The following CHD1L variants were observed in gnomAD, a reference collection of about 807,000 sequenced individuals.
CHD1L encodes chromodomain helicase DNA binding protein 1 like, also known as ATP-dependent chromatin remodeler CHD1L.
Under a neutral mutation model 115.9 loss-of-function variants are expected in CHD1L, and 118 were observed. That is an observed-to-expected ratio of 1.02 (90% CI 0.88 to 1.19). The LOEUF is 1.19. CHD1L is among the 50% of genes most tolerant of loss of function. CHD1L has a pLI of 0.00. For missense variants in CHD1L, 1,179 were observed against 1,065.3 expected (o/e 1.11, Z -1.49); for synonymous variants, 411 against 387.1 (o/e 1.06, Z -0.72).
intron 20 of CHD1L, 134 bp downstream of exon 20, chr1:147,291,686 T>C: frequency 1.5e-6 from 1 of 689,224 alleles, no homozygotes; most frequent in Non-Finnish European, 2.6e-6. Context: ...AGACACAGAC[T>C]AGGTAGCTTA....
chr1:147,225,171 A>G, the CHD1L span: 1 of 1,505,542 alleles, frequency 6.6e-7, no homozygotes, highest in Non-Finnish European at 8.8e-7. Context: ...AGGTGTCTTG[A>G]GGAGGACAGA....
intron 6 of CHD1L, among the ~76,000 whole-genome samples, chr1:147,261,200 T>A (rs1671800864): frequency 6.6e-6 from 1 of 152,186 alleles, no homozygotes; most frequent in Non-Finnish European, 1.5e-5. Context: ...TATCTCCTTC[T>A]GAGAGCTTGT....
In CHD1L at chr1:147,245,964, T is replaced by G. The variant is rs587688740; in HGVS notation, c.127+3134T>G. Among the ~76,000 whole-genome samples the G allele has an allele frequency of 6.6e-5, 10 of 152,334 alleles. No individual in the cohort carries two copies. The South Asian group carries it at 2.1e-3, about 32-fold the overall frequency. On this transcript the variant is annotated intron_variant, in intron 1 of 22. Transcript: ENST00000369258. The stretch of plus-strand genomic sequence containing the variant: ...GATGGTACACTATCACAACAGGATA[T>G]TGACATTGGTACAGTCAAGATCCAG...
the CHD1L span, among the ~76,000 whole-genome samples, chr1:147,191,395 A>G: frequency 6.6e-5 from 10 of 152,224 alleles, no homozygotes; most frequent in East Asian, 1.7e-3. Context: ...GTGAGATGGT[A>G]TCCCATTGTG....
chr1:147,173,858 C>T, the CHD1L span, among the ~76,000 whole-genome samples: 2 of 152,178 alleles, frequency 1.3e-5, no homozygotes, highest in Admixed American at 6.5e-5. Context: ...GATTTGATAC[C>T]TTTTCATATT....
chr1:147,219,667 C>T, the CHD1L span, among the ~76,000 whole-genome samples: 3 of 151,032 alleles, frequency 2.0e-5, no homozygotes, highest in East Asian at 1.9e-4. Flanking sequence ...AAAGGATATT[C>T]GGATTGGGAA....
intron 16 of CHD1L, 38 bp from the exon 17 acceptor site, chr1:147,285,286 C>T (rs782394917): frequency 1.9e-6 from 3 of 1,592,816 alleles, no homozygotes; most frequent in Admixed American, 3.6e-5. Flanking sequence ...GGGGAGGAAT[C>T]TTCTTGACCC....
chr1:147,242,708 A>AGC lies in CHD1L; in HGVS notation c.11_12dup (p.Gly5ArgfsTer38). 1 of 1,258,992 alleles carries AGC rather than the reference A, an allele frequency of 7.9e-7. No individual in the cohort carries two copies. The allele number at this position is 1,258,992 out of a possible 1,614,324, so 78.0% of individuals were successfully genotyped here. On this transcript the variant is annotated frameshift_variant, in exon 1 of 23. Coordinates refer to ENST00000369258, the MANE Select transcript of CHD1L (RefSeq NM_004284.6). LOFTEE classifies it high-confidence loss of function. ...GGCGGGGCCTCTACCGGCCCGATGG[A>AGC]GCGCGCGGGCGCTACTAGCCGCGGG...
the CHD1L span, among the ~76,000 whole-genome samples, chr1:147,185,102 CTT>C: frequency 6.6e-6 from 1 of 151,970 alleles, no homozygotes; most frequent in African/African-American, 2.4e-5. Flanking sequence ...AGCTTTGTAT[CTT>C]AAGTTGTTTT....
chr1:147,276,233 A>T lies in CHD1L; in HGVS notation c.1515A>T (p.Lys505Asn). Residue 505 changes from lysine (K) to asparagine (N), a missense_variant, in exon 14 of 23, where the codon AAA becomes AAT. Transcript: ENST00000369258. Reference sequence around the variant, plus strand: ...GCCATTTTACTCTGGGAGCCCAGAAACCCGCTGCCGATGCTGACCTCCAGG... The same window carrying T: ...GCCATTTTACTCTGGGAGCCCAGAATCCCGCTGCCGATGCTGACCTCCAGG... ...EGGHFTLGAQ[K>N]PAADADLQLS... is the part of the protein sequence containing the mutation. 6.2e-7 allele frequency: 1 copy of T among 1,614,072 alleles called. No homozygotes were observed. Among genetic ancestry groups the T allele is most frequent in the Non-Finnish European group, 8.5e-7 (1 of 1,180,000 alleles).
chr1:147,278,222 G>GTTTTTTTT lies in CHD1L; in HGVS notation c.1540-1790_1540-1783dup, dbSNP rs71083825. Among the ~76,000 whole-genome samples the GTTTTTTTT allele has an allele frequency of 9.1e-4, 83 of 91,160 alleles. 3 individuals are homozygous for GTTTTTTTT. Among genetic ancestry groups the GTTTTTTTT allele is most frequent in the Non-Finnish European group, 1.0e-3 (53 of 51,824 alleles). The allele number at this position is 91,160 out of a possible 152,430, so 59.8% of individuals were successfully genotyped here. A position where few individuals can be genotyped will look rare whatever the true frequency, so the allele number is the denominator to read the frequency against. On this transcript the variant is annotated intron_variant, in intron 14 of 22. Transcript: ENST00000369258. Reference sequence around the variant, plus strand: ...ATTTTTGTTTGTTTTTGTTTTTTGGGTTTTTTTTTTTTTTTTTTTTTGAGA... The same window carrying GTTTTTTTT: ...ATTTTTGTTTGTTTTTGTTTTTTGGGTTTTTTTTTTTTTTTTTTTTTTTTTTTTTGAGA...
At chr1:147,235,561 T>G in the CHD1L span, among the ~76,000 whole-genome samples, 43 of 152,088 alleles carry the variant, frequency 2.8e-4, no homozygotes, top group Non-Finnish European at 5.0e-4. Context: ...CCCCCTTGCA[T>G]CAAAGTTATA....
chr1:147,191,850 G>C, the CHD1L span, among the ~76,000 whole-genome samples: 3 of 152,014 alleles, frequency 2.0e-5, no homozygotes, highest in African/African-American at 7.3e-5. Flanking sequence ...TGAGGGCTCT[G>C]TCCTGTTCCA....
At chr1:147,235,807 T>C in the CHD1L span, among the ~76,000 whole-genome samples, 1 of 152,216 alleles carries the variant, frequency 6.6e-6, no homozygotes, top group African/African-American at 2.4e-5. Flanking sequence ...TGGTATATTA[T>C]TGAGACAACC....
chr1:147,252,880 A>C lies in CHD1L; in HGVS notation c.240+145A>C, dbSNP rs12120848. The C allele has an allele frequency of 9.1e-3, 5,962 of 653,146 alleles. 41 individuals carry two copies. Among genetic ancestry groups the C allele is most frequent in the Middle Eastern group, 0.017 (40 of 2,344 alleles). 40.5% of individuals were successfully genotyped at this position (653,146 alleles called of 1,614,324 possible). ...CAGGCTAACTGGCTCTTGCACCGGG[A>C]AAGGGCCTTCCCTGTACAGTCTTCT... On this transcript the variant is annotated intron_variant, in intron 2 of 22. Transcript: ENST00000369258.
In CHD1L at chr1:147,272,166, T is replaced by C; in HGVS notation, c.1160-5T>C. On this transcript the variant is annotated splice_region_variant and splice_polypyrimidine_tract_variant and intron_variant, in intron 11 of 22. Coordinates refer to ENST00000369258, the MANE Select transcript of CHD1L (RefSeq NM_004284.6). ...AGATTTCTGTTTTTCTTCCTCTCTGTAAAGGCTACAGCTATGAGCGTGTGG... is the reference window on the plus strand; with the variant it reads ...AGATTTCTGTTTTTCTTCCTCTCTGCAAAGGCTACAGCTATGAGCGTGTGG... The C allele has an allele frequency of 6.2e-7, 1 of 1,608,878 alleles. No homozygotes were observed. Among genetic ancestry groups the C allele is most frequent in the Non-Finnish European group, 8.5e-7 (1 of 1,176,708 alleles).
intron 7 of CHD1L, 137 bp downstream of exon 7, chr1:147,264,721 G>A: frequency 1.2e-6 from 1 of 809,198 alleles, no homozygotes; most frequent in Non-Finnish European, 1.9e-6. Flanking sequence ...GCTGATATTA[G>A]GGAGATGTTA....
Position 147,264,152 on chromosome 1 carries a change from T to C in CHD1L, c.577-270T>C, listed in dbSNP as rs72999639. ...GCCATATTAAATTCTCATGCAATAC[T>C]TCAGAGTTCACAAAGTGTTACTACA... On this transcript the variant is annotated intron_variant, in intron 6 of 22. Transcript: ENST00000369258. Among the ~76,000 whole-genome samples, 2,142 of 152,320 alleles carry C rather than the reference T, an allele frequency of 0.014. 44 individuals carry two copies. The highest frequency in any genetic ancestry group is 0.049 in the African/African-American group (2,035 of 41,566).
chr1:147,201,734 A>G, the CHD1L span, among the ~76,000 whole-genome samples: 1 of 152,158 alleles, frequency 6.6e-6, no homozygotes, highest in East Asian at 1.9e-4. Context: ...GAGTGAAGGA[A>G]GAGTGTTGTT....
Sources: gnomAD v4.1 joint callset for allele counts (sites outside exome capture counted in the v4.1 genomes callset) on GRCh38, gnomAD v4.1.1 for gene constraint, MANE v1.5 for transcripts, NCBI Gene and HGNC (gene_info 2026-07-23, HGNC 2026-07-21) for gene names.